HCCS: variants seen among roughly 807,000 people sequenced by gnomAD.
HCCS encodes the protein holocytochrome c-type synthase.
HCCS carries 2 observed loss-of-function variants against 24.2 expected under a neutral mutation model. The ratio of observed to expected loss-of-function variants is 0.08; its 90% confidence interval spans 0.03 to 0.26. The LOEUF is 0.26. HCCS is among the 10% of genes least tolerant of loss of function. The pLI is 1.00. For synonymous variants in HCCS, 73 were observed against 76.2 expected (o/e 0.96, Z 0.22); for missense variants, 150 against 213.3 (o/e 0.70, Z 1.85).
intron 3 of HCCS, 41 bp from the exon 4 acceptor site, chrX:11,117,226 A>C: frequency 2.6e-6 from 3 of 1,140,343 alleles, no homozygotes; most frequent in Non-Finnish European, 3.6e-6. Flanking sequence ...ATTGCCTTTT[A>C]CTTTATATCC....
At chrX:11,121,056 A>G in intron 6 of HCCS, 63 bp downstream of exon 6, 1 of 882,942 alleles carries the variant, frequency 1.1e-6, no homozygotes, top group Non-Finnish European at 1.7e-6. Context: ...TTCTCTTCAC[A>G]CCAAAACCAG....
Position 11,119,919 on chromosome X carries a change from C to T in HCCS, c.522-988C>T, listed in dbSNP as rs368683505. The T allele has an allele frequency of 9.2e-5, 25 of 270,834 alleles. 1 individual carries two copies. The highest frequency in any genetic ancestry group is 7.9e-4 in the East Asian group (7 of 8,851). The allele number at this position is 270,834 out of a possible 1,213,427, so 22.3% of individuals were successfully genotyped here. ...ATTCCTTCTCCAGTTATTTTCTGGA[C>T]GGTCAAAATTAAGTAGACCGTTTAA... On this transcript the variant is annotated intron_variant, in intron 5 of 6. Transcript: ENST00000380762.
rs1340360038 is a variant in HCCS at position 11,118,631 on chromosome X, T to C, written c.521+11T>C. The C allele has an allele frequency of 3.3e-6, 4 of 1,203,507 alleles. No individual in the cohort carries two copies. The South Asian group carries it at 7.0e-5, about 21-fold the overall frequency. The stretch of plus-strand genomic sequence containing the variant: ...AGCCCTTCATGCTGCGTAAGTATGT[T>C]TGAGATCTTAAATGTTTCAAGCATC... On this transcript the variant is annotated intron_variant, in intron 5 of 6. Coordinates refer to ENST00000380762, the MANE Select transcript of HCCS (RefSeq NM_005333.5).
chrX:11,111,920 A>C, intron 1 of HCCS, 99 bp from the exon 2 acceptor site: 1 of 523,195 alleles, frequency 1.9e-6, no homozygotes, highest in Non-Finnish European at 3.4e-6. Flanking sequence ...GTAGATGCCC[A>C]TGGGATGACA....
intron 5 of HCCS, among the ~76,000 whole-genome samples, chrX:11,120,323 G>A (rs992974962): frequency 1.8e-5 from 2 of 111,549 alleles, no homozygotes; most frequent in African/African-American, 6.5e-5. Context: ...CAGAGGGCTG[G>A]CACCTAGAGA....
intron 3 of HCCS, among the ~76,000 whole-genome samples, 190 bp downstream of exon 3, chrX:11,115,176 A>C (rs2045439269): frequency 8.9e-6 from 1 of 112,359 alleles, no homozygotes; most frequent in South Asian, 3.6e-4. Flanking sequence ...CTGGGAAAAA[A>C]ACCAGAGTGA....
At chrX:11,121,545 C>A in intron 6 of HCCS, 67 bp from the exon 7 acceptor site, 2 of 965,455 alleles carry the variant, frequency 2.1e-6, no homozygotes, top group South Asian at 3.9e-5. Flanking sequence ...TGAGTTTTCT[C>A]ATGGCTTAAA....
At chrX:11,113,562 C>G (rs1055025651) in intron 2 of HCCS, among the ~76,000 whole-genome samples, 10 of 111,984 alleles carry the variant, frequency 8.9e-5, no homozygotes, top group African/African-American at 3.3e-4. Context: ...TGAGACAGAT[C>G]AGCCAAAGCA....
At position 11,114,748 on chromosome X, in the gene HCCS, C is replaced by G. The variant is rs1213407778; in HGVS notation, c.101-87C>G. The G allele has an allele frequency of 7.0e-6, 6 of 851,497 alleles. No individual in the cohort carries two copies. In the African/African-American group the frequency reaches 1.2e-4, roughly 17 times the overall value. The allele number at this position is 851,497 out of a possible 1,213,427, so 70.2% of individuals were successfully genotyped here. On this transcript the variant is annotated intron_variant, in intron 2 of 6. Coordinates refer to ENST00000380762, the MANE Select transcript of HCCS (RefSeq NM_005333.5). ...TTTTCCTATGGTGGTAATCATTGGT[C>G]AGAAATTCAGCTCTTTAGTGCTCCA...
Position 11,112,624 on chromosome X carries a change from G to A in HCCS, c.100+464G>A, listed in dbSNP as rs1319232590. 4.4e-5 allele frequency among the ~76,000 whole-genome samples: 5 copies of A among 112,705 alleles called. No homozygotes were observed. The South Asian group carries it at 1.8e-3, about 41-fold the overall frequency. ...GACTCTAAACAAGTTAACTCTGTTA[G>A]CCTCAGTCTGTCATCTGTAAGATGA... On this transcript the variant is annotated intron_variant, in intron 2 of 6. Transcript: ENST00000380762.
intron 5 of HCCS, among the ~76,000 whole-genome samples, chrX:11,119,709 G>A (rs1374083417): frequency 1.8e-5 from 2 of 112,202 alleles, no homozygotes; most frequent in East Asian, 5.6e-4. Flanking sequence ...GCCTGGGGTG[G>A]GTGCATGTGA....
chrX:11,118,488 T>G lies in HCCS; in HGVS notation c.402-13T>G. On this transcript the variant is annotated splice_polypyrimidine_tract_variant and intron_variant, in intron 4 of 6. Coordinates refer to ENST00000380762, the MANE Select transcript of HCCS (RefSeq NM_005333.5). Reference sequence around the variant, plus strand: ...GGAACAGTTGTCAAATTTTACCAAATATTCTTTCCTAGGTGGAAGTGGAAG... The same window carrying G: ...GGAACAGTTGTCAAATTTTACCAAAGATTCTTTCCTAGGTGGAAGTGGAAG... 8.4e-7 allele frequency: 1 copy of G among 1,191,920 alleles called. No individual in the cohort carries two copies. The highest frequency in any genetic ancestry group is 1.7e-5 in the African/African-American group (1 of 57,417).
chrX:11,112,304 G>T lies in HCCS; in HGVS notation c.100+144G>T. 1.6e-5 allele frequency: 8 copies of T among 487,356 alleles called. No individual in the cohort carries two copies. The South Asian group carries it at 2.2e-4, about 14-fold the overall frequency. The allele number at this position is 487,356 out of a possible 1,213,427, so 40.2% of individuals were successfully genotyped here. A position where few individuals can be genotyped will look rare whatever the true frequency, so the allele number is the denominator to read the frequency against. On this transcript the variant is annotated intron_variant, in intron 2 of 6. Coordinates refer to ENST00000380762, the MANE Select transcript of HCCS (RefSeq NM_005333.5). ...CTTCGAGACCAGCCTGGGCAACATG[G>T]CAAAAACCTCCCTCTACAAAAAAAT...
At chrX:11,116,076 T>A (rs1254607259) in intron 3 of HCCS, 2 of 112,265 alleles carry the variant, frequency 1.8e-5, no homozygotes, top group Non-Finnish European at 3.8e-5. Context: ...GTGGTCACTT[T>A]TTAAAAATTT....
intron 3 of HCCS, 82 bp from the exon 4 acceptor site, chrX:11,117,185 A>T: frequency 1.2e-6 from 1 of 800,059 alleles, no homozygotes; most frequent in Non-Finnish European, 1.9e-6. Context: ...TTTTTGTGTG[A>T]TGTATTGCTT....
rs751839060 is a variant in HCCS, at chrX:11,122,893, T to C, written c.*1083T>C. On this transcript the variant is annotated 3_prime_UTR_variant, in exon 7 of 7. Coordinates refer to ENST00000380762, the MANE Select transcript of HCCS (RefSeq NM_005333.5). ...GCTTTTTTTTTTTAACTGTCTATAC[T>C]ATTAAATCCTTTAATTTATCCTGAA... 4 of 111,432 alleles carry C rather than the reference T, an allele frequency of 3.6e-5. No individual in the cohort carries two copies. The South Asian group carries it at 1.5e-3, about 42-fold the overall frequency. The allele number at this position is 111,432 out of a possible 1,213,427, so 9.2% of individuals were successfully genotyped here. A position where few individuals can be genotyped will look rare whatever the true frequency, so the allele number is the denominator to read the frequency against.
intron 5 of HCCS, 72 bp downstream of exon 5, chrX:11,118,692 A>T: frequency 9.5e-7 from 1 of 1,054,596 alleles, no homozygotes; most frequent in South Asian, 1.9e-5. Context: ...GAGTTTTAAC[A>T]TTCAAATCAT....
Position 11,114,859 on chromosome X carries a change from C to G in HCCS, c.125C>G (p.Ser42Cys). 2 of 1,209,157 alleles carry G rather than the reference C, an allele frequency of 1.7e-6. No individual in the cohort carries two copies. The highest frequency in any genetic ancestry group is 2.2e-6 in the Non-Finnish European group (2 of 893,139). ...GGCTGTCCAGTGAATACAGAGCCAT[C>G]TGGCCCAACCTGTGAGAAGAAAACA... ...MKGCPVNTEP[S>C]GPTCEKKTYS... The change falls in exon 3 of 7, where the codon TCT becomes TGT. Residue 42 changes from serine (S) to cysteine (C), a missense_variant. Ser to Cys is a moderately radical substitution (Grantham distance 112, BLOSUM62 -1). This residue lies in a region of HCCS where 95 missense variants were observed against 79.1 expected (regional missense o/e 1.20). Coordinates refer to ENST00000380762, the MANE Select transcript of HCCS (RefSeq NM_005333.5).
chrX:11,122,788 C>CT lies in HCCS; in HGVS notation c.*979dup, dbSNP rs1488147445. On this transcript the variant is annotated 3_prime_UTR_variant, in exon 7 of 7. Transcript: ENST00000380762. Reference sequence around the variant, plus strand: ...TTTTTTTGTTTGTTTTAAGGAAGCTCTAAGTTTGCCATTGAAACTTTTTGT... The same window carrying CT: ...TTTTTTTGTTTGTTTTAAGGAAGCTCTTAAGTTTGCCATTGAAACTTTTTGT... 6.2e-5 allele frequency: 7 copies of CT among 112,254 alleles called. No individual in the cohort carries two copies. In the East Asian group the frequency reaches 2.0e-3, roughly 31 times the overall value. The allele number at this position is 112,254 out of a possible 1,213,427, so 9.3% of individuals were successfully genotyped here. A position where few individuals can be genotyped will look rare whatever the true frequency, so the allele number is the denominator to read the frequency against.
Sources: gnomAD v4.1 joint callset for allele counts (sites outside exome capture counted in the v4.1 genomes callset) on GRCh38, gnomAD v4.1.1 for gene constraint, gnomAD v4.1.1 regional missense constraint, MANE v1.5 for transcripts, NCBI Gene and HGNC (gene_info 2026-07-23, HGNC 2026-07-21) for gene names.